The following WNK1 variants were observed in gnomAD, a reference collection of about 807,000 sequenced individuals.
The protein encoded by WNK1 is serine/threonine-protein kinase WNK1.
A neutral mutation model predicts 222.8 loss-of-function variants in WNK1; 38 were observed. The observed-to-expected ratio is 0.17, with a 90% CI of 0.13 to 0.22. WNK1 has a LOEUF of 0.22. Among genes scored for constraint, WNK1 ranks in the 10% least tolerant of loss-of-function variants. The probability of loss-of-function intolerance (pLI) is 1.00; values close to 1 mark genes in which losing one functional copy is unlikely to be tolerated. For missense variants in WNK1, 2,348 were observed against 2,918.4 expected, an observed-to-expected ratio of 0.80 and a Z score of 4.50; for synonymous variants, 1,090 against 1,092.9, an observed-to-expected ratio of 1.00 and a Z score of 0.05.
chr12:775,409 T>A (rs957656043), intron 1 of WNK1, among the ~76,000 whole-genome samples: 1 of 152,178 alleles, frequency 6.6e-6, no homozygotes, highest in Non-Finnish European at 1.5e-5. Flanking sequence ...GTGGCAACTT[T>A]TTTTAGGGCC....
chr12:753,475 T>A lies in WNK1; in HGVS notation c.-91T>A, dbSNP rs3088353. The stretch of plus-strand genomic sequence containing the variant: ...CGGCGCGAACCCGCCCGGCCGCGGT[T>A]CCCTGCAGACCTCTGCGCGGGCGGC... On this transcript the variant is annotated 5_prime_UTR_variant, in exon 1 of 28. Transcript: ENST00000315939. This position sits in a 1 kb window ranked among gnomAD's most constrained non-coding sequence, Gnocchi z 5.2. The A allele has an allele frequency of 6.4e-7, 1 of 1,561,716 alleles. No individual in the cohort carries two copies. Among genetic ancestry groups the A allele is most frequent in the Non-Finnish European group, 8.7e-7 (1 of 1,149,314 alleles).
At chr12:797,572 T>A (rs1945433871) in intron 1 of WNK1, among the ~76,000 whole-genome samples, 1 of 152,152 alleles carries the variant, frequency 6.6e-6, no homozygotes, top group Admixed American at 6.5e-5. Context: ...TATGCCATAC[T>A]TTTATTTATT....
At chr12:817,754 C>T (rs1278137520) in intron 2 of WNK1, among the ~76,000 whole-genome samples, 1 of 152,074 alleles carries the variant, frequency 6.6e-6, no homozygotes, top group Non-Finnish European at 1.5e-5. Context: ...CAGTTCGAAA[C>T]CAGCCTGTCC....
intron 4 of WNK1, among the ~76,000 whole-genome samples, chr12:830,745 A>G (rs1399285091): frequency 1.3e-5 from 2 of 152,208 alleles, no homozygotes; most frequent in Non-Finnish European, 2.9e-5. Context: ...TACATGCTTC[A>G]TTATGCTACT....
chr12:786,816 T>C (rs1254920559), intron 1 of WNK1, among the ~76,000 whole-genome samples: 2 of 152,330 alleles, frequency 1.3e-5, no homozygotes, highest in South Asian at 2.1e-4. Flanking sequence ...TTCTTATAAA[T>C]AAACAGTGTT....
chr12:825,817 CAT>C (rs140177804), intron 2 of WNK1, among the ~76,000 whole-genome samples: 2,253 of 152,254 alleles, frequency 0.015, 58 homozygotes, highest in African/African-American at 0.051. Context: ...TTTAACCAAT[CAT>C]GTGTGTATTT....
chr12:861,365 C>T (rs750531911), intron 7 of WNK1, 22 bp downstream of exon 7: 2 of 1,610,290 alleles, frequency 1.2e-6, no homozygotes. Context: ...GGGAAGTGGA[C>T]AGATAGGCTA....
Position 889,539 on chromosome 12 carries a change from C to T in WNK1, c.5448+316C>T, listed in dbSNP as rs182325464. On this transcript the variant is annotated intron_variant, in intron 21 of 27. Coordinates refer to ENST00000315939, the MANE Select transcript of WNK1 (RefSeq NM_018979.4). ...TTGTCAGATAAAATAATGTTTTGGG[C>T]TAGGTGCAGTGGCTCACGCCTGTAA... Among the ~76,000 whole-genome samples the T allele has an allele frequency of 1.9e-3, 285 of 152,290 alleles. 1 individual carries two copies. The highest frequency in any genetic ancestry group is 6.8e-3 in the Middle Eastern group (2 of 294).
At chr12:883,326 G>C in intron 15 of WNK1, 69 bp from the exon 16 acceptor site, 1 of 1,555,246 alleles carries the variant, frequency 6.4e-7, no homozygotes, top group Non-Finnish European at 8.9e-7. Flanking sequence ...AGATAGGACA[G>C]AAGTCATAAA....
chr12:833,044 A>G (rs1269742094), intron 4 of WNK1, among the ~76,000 whole-genome samples: 1 of 149,720 alleles, frequency 6.7e-6, no homozygotes, highest in African/African-American at 2.5e-5. Context: ...CATAGGGTCG[A>G]CTGTTTATTG....
intron 8 of WNK1, 88 bp from the exon 9 acceptor site, chr12:871,177 G>A (rs545170222): frequency 7.3e-6 from 9 of 1,234,264 alleles, no homozygotes; most frequent in Non-Finnish European, 1.1e-5. Flanking sequence ...CAAACTCTGA[G>A]GAGATTAAAT....
intron 8 of WNK1, among the ~76,000 whole-genome samples, chr12:866,508 G>A (rs560614366): frequency 1.2e-4 from 18 of 152,108 alleles, no homozygotes; most frequent in East Asian, 3.9e-4. Context: ...GACTACAGGC[G>A]CATGCCACCA....
At chr12:822,280 G>A (rs1177992291) in intron 2 of WNK1, among the ~76,000 whole-genome samples, 2 of 151,690 alleles carry the variant, frequency 1.3e-5, no homozygotes, top group Admixed American at 1.3e-4. Flanking sequence ...TTTTAGTAGA[G>A]ACAGGGTTTC....
intron 2 of WNK1, 123 bp downstream of exon 2, chr12:813,937 TTACTG>T: frequency 1.0e-6 from 1 of 983,648 alleles, no homozygotes; most frequent in Non-Finnish European, 1.6e-6. Context: ...CTTCCAACTG[TTACTG>T]TATTAGCATA....
intron 22 of WNK1, among the ~76,000 whole-genome samples, chr12:892,583 A>AAT (rs922728046): frequency 6.6e-6 from 1 of 152,072 alleles, no homozygotes; most frequent in Non-Finnish European, 1.5e-5. Context: ...AAACTGGGGA[A>AAT]ATATATATAT....
chr12:793,925 C>T (rs966680220), intron 1 of WNK1, among the ~76,000 whole-genome samples: 1 of 152,132 alleles, frequency 6.6e-6, no homozygotes, highest in Non-Finnish European at 1.5e-5. Flanking sequence ...CATTTCCCCT[C>T]AACTCTTCCA....
At chr12:765,305 T>C (rs974676161) in intron 1 of WNK1, among the ~76,000 whole-genome samples, 14 of 147,178 alleles carry the variant, frequency 9.5e-5, no homozygotes, top group African/African-American at 3.4e-4. Context: ...CTCAATACTT[T>C]GGAAGGCTGA....
At position 890,456 on chromosome 12, in the gene WNK1, G is replaced by A. The variant is rs951696841; in HGVS notation, c.5452G>A (p.Val1818Met). The part of the protein sequence containing the change: ...MITVTSAVGP[V>M]SMAAPTAITE... ...TCTGTCTGTGTGTGTTTTACAGCCT[G>A]TGTCCATGGCGGCTCCAACAGCAAT... The change falls in exon 22 of 28, where the codon GTG (valine) becomes ATG (methionine). Residue 1818 changes from valine (V) to methionine (M), a missense_variant. This residue lies in a region of WNK1 where 1,144 missense variants were observed against 1,273.6 expected (regional missense o/e 0.90). Transcript: ENST00000315939. 3 of 1,614,146 alleles carry A rather than the reference G, an allele frequency of 1.9e-6. No homozygotes were observed. The highest frequency in any genetic ancestry group is 4.5e-5 in the East Asian group (2 of 44,882).
chr12:826,224 G>A (rs1000723170), intron 2 of WNK1, among the ~76,000 whole-genome samples: 4 of 152,202 alleles, frequency 2.6e-5, no homozygotes, highest in South Asian at 2.1e-4. Flanking sequence ...TGTTCAGCAC[G>A]TGAAATGTGG....
Sources: allele counts gnomAD v4.1 joint callset (sites outside exome capture counted in the v4.1 genomes callset), GRCh38; gene constraint gnomAD v4.1.1; regional missense constraint gnomAD v4.1.1; non-coding constraint Gnocchi (gnomAD v3.1); transcripts MANE v1.5; gene names NCBI Gene and HGNC (gene_info 2026-07-23, HGNC 2026-07-21).